Variants in SRP68 observed in about 807,000 individuals in gnomAD.
SRP68 encodes the protein signal recognition particle subunit SRP68.
SRP68 carries 15 observed loss-of-function variants against 82.2 expected under a neutral mutation model. The ratio of observed to expected loss-of-function variants is 0.18; its 90% confidence interval spans 0.12 to 0.28. The LOEUF is 0.28. Among genes scored for constraint, SRP68 ranks in the 10% least tolerant of loss-of-function variants. The pLI is 1.00. For missense variants in SRP68, 595 were observed against 780.5 expected, an observed-to-expected ratio of 0.76 and a Z score of 2.83; for synonymous variants, 261 against 292.6, an observed-to-expected ratio of 0.89 and a Z score of 1.10.
At chr17:76,070,257 C>CAAAAAAAA in intron 2 of SRP68, 121 bp downstream of exon 2, 3 of 553,680 alleles carry the variant, frequency 5.4e-6, no homozygotes, top group South Asian at 2.7e-5. Flanking sequence ...AACAAACAAA[C>CAAAAAAAA]AAAAAAAACA....
chr17:76,048,059 C>G (rs750818056), intron 9 of SRP68, 89 bp from the exon 10 acceptor site: 67 of 720,152 alleles, frequency 9.3e-5, no homozygotes, highest in Non-Finnish European at 1.4e-4. Flanking sequence ...CTCCAAAGTG[C>G]CCTGAACATA....
intron 7 of SRP68, among the ~76,000 whole-genome samples, chr17:76,059,402 C>T (rs1374595423): frequency 1.3e-5 from 2 of 151,936 alleles, no homozygotes; most frequent in Non-Finnish European, 2.9e-5. Context: ...ATTAGCCGGG[C>T]GTGGTGGCGG....
rs142464997 is a variant in SRP68 at position 76,064,126 on chromosome 17, G to A, written c.411C>T (p.Tyr137=). The A allele has an allele frequency of 7.4e-6, 12 of 1,614,096 alleles. No individual in the cohort carries two copies. Among genetic ancestry groups the A allele is most frequent in the Middle Eastern group, 1.6e-4 (1 of 6,084 alleles). Residue 137 remains tyrosine, a synonymous_variant, in exon 4 of 16, where the codon TAC becomes TAT. Coordinates refer to ENST00000307877, the MANE Select transcript of SRP68 (RefSeq NM_014230.4). ...TGGCTTCCTGTTTCAGCTGCATGGC[G>A]TAGCTCCAGGCTCTTTCAGCATCCA... The part of the protein sequence containing the change: ...VLMDAERAWS[Y]AMQLKQEANT...
At chr17:76,040,368 T>C (rs1329334933) in intron 15 of SRP68, 51 bp downstream of exon 15, 1 of 1,556,158 alleles carries the variant, frequency 6.4e-7, no homozygotes, top group Admixed American at 1.7e-5. Flanking sequence ...GCATTCCTAG[T>C]TTGTTACTAA....
chr17:76,043,713 G>A (rs2066608590), intron 13 of SRP68, 116 bp downstream of exon 13: 1 of 1,167,530 alleles, frequency 8.6e-7, no homozygotes, highest in African/African-American at 1.6e-5. Context: ...AGGTCCCACG[G>A]GCAGCCAGGG....
At chr17:76,040,336 T>C in intron 15 of SRP68, 83 bp downstream of exon 15, 1 of 1,339,454 alleles carries the variant, frequency 7.5e-7, no homozygotes, top group Middle Eastern at 1.8e-4. Context: ...AAATTTAGGG[T>C]CCACTGCTCT....
At chr17:76,059,535 C>A (rs190496268) in intron 7 of SRP68, among the ~76,000 whole-genome samples, 11 of 152,040 alleles carry the variant, frequency 7.2e-5, no homozygotes, top group Admixed American at 2.6e-4. Flanking sequence ...AGCAAGACTC[C>A]GACTCTAAAT....
chr17:76,040,198 G>A (rs1454866870), intron 15 of SRP68, among the ~76,000 whole-genome samples: 1 of 152,208 alleles, frequency 6.6e-6, no homozygotes, highest in African/African-American at 2.4e-5. Context: ...TCTTACCCAC[G>A]GGTGCTACTC....
intron 2 of SRP68, among the ~76,000 whole-genome samples, chr17:76,069,854 A>G (rs2066835914): frequency 6.6e-6 from 1 of 151,918 alleles, no homozygotes; most frequent in East Asian, 1.9e-4. Flanking sequence ...AGGTGGGTGG[A>G]TCACCTGAGG....
chr17:76,055,772 G>C (rs1218471836), intron 8 of SRP68, among the ~76,000 whole-genome samples: 2 of 142,228 alleles, frequency 1.4e-5, no homozygotes, highest in African/African-American at 2.6e-5. Flanking sequence ...AAAAAAATGT[G>C]TATTTAAACT....
At chr17:76,040,750 T>G (rs1364209912) in intron 14 of SRP68, 153 bp downstream of exon 14, 1 of 745,030 alleles carries the variant, frequency 1.3e-6, no homozygotes, top group African/African-American at 1.7e-5. Flanking sequence ...CTACACAATC[T>G]GATGCCCAGC....
intron 13 of SRP68, 178 bp from the exon 14 acceptor site, chr17:76,041,156 A>C: frequency 1.9e-6 from 1 of 515,150 alleles, no homozygotes; most frequent in East Asian, 3.1e-5. Flanking sequence ...CAAATGGGAA[A>C]AGCTATGCCA....
chr17:76,062,045 G>T lies in SRP68; in HGVS notation c.562-471C>A, dbSNP rs931934164. Among the ~76,000 whole-genome samples, 13 of 152,186 alleles carry T rather than the reference G, an allele frequency of 8.5e-5. No homozygotes were observed. The East Asian group carries it at 2.5e-3, about 29-fold the overall frequency. ...CTCATGCCTGTAATCCCAACACTGG[G>T]AGGCCGAGGTGAACGGATCACCTGA... On this transcript the variant is annotated intron_variant, in intron 4 of 15. Coordinates refer to ENST00000307877, the MANE Select transcript of SRP68 (RefSeq NM_014230.4).
At chr17:76,053,768 G>A in intron 8 of SRP68, 1 of 454,802 alleles carries the variant, frequency 2.2e-6, no homozygotes, top group Non-Finnish European at 2.9e-6. Context: ...CCCTGGGCAG[G>A]GCAAAATGTC....
chr17:76,042,131 G>A (rs1264771760), intron 13 of SRP68, among the ~76,000 whole-genome samples: 1 of 151,890 alleles, frequency 6.6e-6, no homozygotes, highest in South Asian at 2.1e-4. Flanking sequence ...TGATCTGCCC[G>A]CCTCGGCCTC....
At chr17:76,056,402 C>T (rs1470195092) in intron 8 of SRP68, among the ~76,000 whole-genome samples, 4 of 152,170 alleles carry the variant, frequency 2.6e-5, no homozygotes, top group African/African-American at 9.7e-5. Context: ...GGAGGTAGCA[C>T]CATACAACAG....
chr17:76,062,491 TATATATA>T (rs1302250414), intron 4 of SRP68, among the ~76,000 whole-genome samples: 11 of 102,962 alleles, frequency 1.1e-4, no homozygotes, highest in African/African-American at 4.5e-4. Context: ...TGGAGATATA[TATATATA>T]ATATATATAT....
In SRP68 at chr17:76,071,066, G is replaced by A. The variant is rs561684054; in HGVS notation, c.185-622C>T. Among the ~76,000 whole-genome samples, 1 of 152,138 alleles carries A rather than the reference G, an allele frequency of 6.6e-6. No homozygotes were observed. The highest frequency in any genetic ancestry group is 1.5e-5 in the Non-Finnish European group (1 of 68,036). On this transcript the variant is annotated intron_variant, in intron 1 of 15. Transcript: ENST00000307877. The surrounding 1 kb of genome is among the most constrained non-coding windows in gnomAD (Gnocchi z 4.7). Reference sequence around the variant, plus strand: ...AAACCCAGTTTAAATTAAGCTGATGGATTCTAAATGCTGACTATAATTGGG... The same window carrying A: ...AAACCCAGTTTAAATTAAGCTGATGAATTCTAAATGCTGACTATAATTGGG...
Position 76,060,397 on chromosome 17 carries a change from G to A in SRP68, c.755-7C>T, listed in dbSNP as rs768486990. 33 of 1,609,050 alleles carry A rather than the reference G, an allele frequency of 2.1e-5. No individual in the cohort carries two copies. The East Asian group carries it at 5.6e-4, about 27-fold the overall frequency. On this transcript the variant is annotated splice_polypyrimidine_tract_variant and splice_region_variant and intron_variant, in intron 6 of 15. Transcript: ENST00000307877. Reference sequence around the variant, plus strand: ...TTGATGGCTGACTGGTCCCCTAAGAGAGAAAGACAGGAAAATCTTCAAGGG... The same window carrying A: ...TTGATGGCTGACTGGTCCCCTAAGAAAGAAAGACAGGAAAATCTTCAAGGG...
Sources: gnomAD v4.1 joint callset for allele counts (sites outside exome capture counted in the v4.1 genomes callset) on GRCh38, gnomAD v4.1.1 for gene constraint, Gnocchi (gnomAD v3.1) non-coding constraint, MANE v1.5 for transcripts, NCBI Gene and HGNC (gene_info 2026-07-23, HGNC 2026-07-21) for gene names.